The following TMIGD3 variants were observed in gnomAD, a reference collection of about 807,000 sequenced individuals.
TMIGD3 encodes the protein transmembrane and immunoglobulin domain containing 3.
TMIGD3 carries 21 observed loss-of-function variants against 28.1 expected under a neutral mutation model. The ratio of observed to expected loss-of-function variants is 0.75; its 90% confidence interval spans 0.53 to 1.08. TMIGD3 has a LOEUF of 1.08. TMIGD3 is among the 50% of genes least tolerant of loss of function. TMIGD3 has a pLI of 0.00. For missense variants in TMIGD3, 416 were observed against 435.6 expected (o/e 0.96, Z 0.40); for synonymous variants, 151 against 162.1 (o/e 0.93, Z 0.52).
rs545235492 is a variant in TMIGD3, at chr1:111,514,234, G to A, written c.108-23472C>T. Among the ~76,000 whole-genome samples, 4 of 152,304 alleles carry A rather than the reference G, an allele frequency of 2.6e-5. No individual in the cohort carries two copies. In the South Asian group the frequency reaches 8.3e-4, roughly 32 times the overall value. ...AGATGATGACAAAGGCCCAAAGAGG[G>A]AGTAGATGTAGTAGCTACAAGTAAA... On this transcript the variant is annotated intron_variant, in intron 1 of 5. Transcript: ENST00000369717.
At chr1:111,548,411 T>C (rs1188572209) in intron 1 of TMIGD3, among the ~76,000 whole-genome samples, 2 of 152,248 alleles carry the variant, frequency 1.3e-5, no homozygotes, top group Non-Finnish European at 2.9e-5. Flanking sequence ...TCTCCTGTTA[T>C]AATCCTTTAA....
chr1:111,536,596 C>A (rs1656646008), intron 1 of TMIGD3, among the ~76,000 whole-genome samples: 1 of 152,162 alleles, frequency 6.6e-6, no homozygotes, highest in African/African-American at 2.4e-5. Context: ...GAATCCATTT[C>A]ATCGCTCATA....
upstream of TMIGD3, chr1:111,504,176 A>G: frequency 1.0e-6 from 1 of 970,384 alleles, no homozygotes; most frequent in South Asian, 4.8e-5. Flanking sequence ...AAAACTCAGC[A>G]CCTCTGAGAA....
intron 1 of TMIGD3, among the ~76,000 whole-genome samples, chr1:111,524,595 A>C (rs77642251): frequency 0.023 from 3,496 of 152,090 alleles, 130 homozygotes; most frequent in African/African-American, 0.081. Flanking sequence ...TATTTATTTC[A>C]AAGTACTTCC....
intron 1 of TMIGD3, among the ~76,000 whole-genome samples, chr1:111,561,355 C>A (rs1657727857): frequency 6.6e-6 from 1 of 152,210 alleles, no homozygotes; most frequent in African/African-American, 2.4e-5. Flanking sequence ...AACTCCTGGG[C>A]TCAAGCGATC....
intron 1 of TMIGD3, among the ~76,000 whole-genome samples, chr1:111,527,844 G>A (rs893711437): frequency 6.6e-6 from 1 of 152,110 alleles, no homozygotes; most frequent in African/African-American, 2.4e-5. Flanking sequence ...TTTTAATTGG[G>A]TTGTTAATTT....
intron 1 of TMIGD3, among the ~76,000 whole-genome samples, chr1:111,513,035 C>T (rs142128041): frequency 1.4e-3 from 209 of 152,254 alleles, no homozygotes; most frequent in African/African-American, 4.7e-3. Context: ...TTGCGAACCC[C>T]GGGGAAAGGC....
chr1:111,563,078 G>C (rs1156669964), intron 1 of TMIGD3, among the ~76,000 whole-genome samples: 2 of 152,162 alleles, frequency 1.3e-5, no homozygotes, highest in African/African-American at 4.8e-5. Flanking sequence ...CGTACTCAAA[G>C]TCCTACACAG....
intron 1 of TMIGD3, among the ~76,000 whole-genome samples, chr1:111,496,419 C>T (rs976626352): frequency 1.3e-4 from 20 of 152,120 alleles, no homozygotes; most frequent in South Asian, 6.2e-4. Flanking sequence ...ATTAATCGGA[C>T]GGCCATTAGT....
chr1:111,554,205 TGA>T (rs1488623452), intron 1 of TMIGD3, among the ~76,000 whole-genome samples: 1 of 152,216 alleles, frequency 6.6e-6, no homozygotes. Context: ...TTGTGAAAAT[TGA>T]ATTAACACAC....
intron 1 of TMIGD3, among the ~76,000 whole-genome samples, chr1:111,521,950 G>A (rs943359957): frequency 6.6e-6 from 1 of 152,180 alleles, no homozygotes; most frequent in East Asian, 1.9e-4. Context: ...TGAGGTAAGG[G>A]TTGAGGTTCA....
chr1:111,489,066 C>T (rs1654530162), intron 2 of TMIGD3, 42 bp from the exon 3 acceptor site: 1 of 1,504,820 alleles, frequency 6.6e-7, no homozygotes, highest in Non-Finnish European at 9.1e-7. Flanking sequence ...CACACACACA[C>T]ACCATTGTTC....
chr1:111,527,499 T>C (rs1656307874), intron 1 of TMIGD3, among the ~76,000 whole-genome samples: 1 of 152,146 alleles, frequency 6.6e-6, no homozygotes, highest in Non-Finnish European at 1.5e-5. Flanking sequence ...TGGACGTAAA[T>C]TTTCATCTCA....
At chr1:111,562,879 G>A (rs192012560) in intron 1 of TMIGD3, among the ~76,000 whole-genome samples, 3 of 152,324 alleles carry the variant, frequency 2.0e-5, no homozygotes, top group East Asian at 3.9e-4. Flanking sequence ...AATACAAGTA[G>A]ATGCTTAGCC....
At chr1:111,548,002 C>G (rs188236798) in intron 1 of TMIGD3, among the ~76,000 whole-genome samples, 1 of 152,262 alleles carries the variant, frequency 6.6e-6, no homozygotes, top group Non-Finnish European at 1.5e-5. Context: ...TTGACTGGAC[C>G]ACTTTTTTTG....
chr1:111,530,761 C>T (rs1656432517), intron 1 of TMIGD3, among the ~76,000 whole-genome samples: 1 of 152,040 alleles, frequency 6.6e-6, no homozygotes, highest in African/African-American at 2.4e-5. Context: ...TTTATCTCTG[C>T]TTTTGAGCAA....
intron 1 of TMIGD3, among the ~76,000 whole-genome samples, chr1:111,551,840 G>T (rs915748054): frequency 6.6e-6 from 1 of 151,826 alleles, no homozygotes; most frequent in Admixed American, 6.6e-5. Context: ...TCAGCCGAGC[G>T]GTTTACAGTT....
chr1:111,519,785 C>G (rs1265363000), intron 1 of TMIGD3, among the ~76,000 whole-genome samples: 1 of 151,964 alleles, frequency 6.6e-6, no homozygotes, highest in Non-Finnish European at 1.5e-5. Flanking sequence ...CTCCACCTCC[C>G]AGGTTGAAGT....
chr1:111,542,317 TA>T, intron 1 of TMIGD3: 1 of 495,046 alleles, frequency 2.0e-6, no homozygotes, highest in Non-Finnish European at 4.0e-6. Flanking sequence ...GCAAAGAAGT[TA>T]AAAGAGAAGT....
Sources: gnomAD v4.1 joint callset for allele counts (sites outside exome capture counted in the v4.1 genomes callset) on GRCh38, gnomAD v4.1.1 for gene constraint, MANE v1.5 for transcripts, NCBI Gene and HGNC (gene_info 2026-07-23, HGNC 2026-07-21) for gene names.